The following SYAP1 variants were observed in gnomAD, a reference collection of about 807,000 sequenced individuals.
SYAP1 encodes synapse-associated protein 1.
In SYAP1, 3 loss-of-function variants were observed where a neutral mutation model predicts 29.6. The observed-to-expected ratio is 0.10, with a 90% CI of 0.05 to 0.26. The LOEUF is 0.26. Ranked by LOEUF, SYAP1 falls within the 10% of genes least tolerant of loss-of-function variation. The pLI is 1.00. For missense variants in SYAP1, 217 were observed against 264.1 expected (o/e 0.82, Z 1.24); for synonymous variants, 102 against 102.7 (o/e 0.99, Z 0.04).
At chrX:16,731,688 C>T (rs753709430) in intron 1 of SYAP1, among the ~76,000 whole-genome samples, 1 of 111,663 alleles carries the variant, frequency 9.0e-6, no homozygotes, top group Non-Finnish European at 1.9e-5. Flanking sequence ...ACCTGTAATC[C>T]CAGCACTTTG....
At chrX:16,756,796 A>G (rs1926852381) in intron 7 of SYAP1, 75 bp downstream of exon 7, 2 of 967,434 alleles carry the variant, frequency 2.1e-6, no homozygotes, top group Non-Finnish European at 1.5e-6. Flanking sequence ...TTCTGATACC[A>G]TTTAAAACTA....
At chrX:16,733,669 C>CTT (rs139404462) in intron 1 of SYAP1, among the ~76,000 whole-genome samples, 2 of 99,900 alleles carry the variant, frequency 2.0e-5, no homozygotes, top group Non-Finnish European at 2.0e-5. Context: ...CAAATTAGCC[C>CTT]TTTTTTTTTT....
intron 8 of SYAP1, among the ~76,000 whole-genome samples, chrX:16,757,808 G>C (rs922256230): frequency 5.5e-5 from 6 of 108,762 alleles, no homozygotes; most frequent in African/African-American, 2.0e-4. Flanking sequence ...GGAGGAAGCT[G>C]AGATGGGACA....
intron 5 of SYAP1, among the ~76,000 whole-genome samples, chrX:16,745,661 G>A (rs902553012): frequency 9.3e-6 from 1 of 107,856 alleles, no homozygotes; most frequent in African/African-American, 3.4e-5. Flanking sequence ...GCTTGAACCC[G>A]GCAGACAGAG....
chrX:16,723,313 A>AAT (rs1309569561), intron 1 of SYAP1, among the ~76,000 whole-genome samples: 1 of 112,373 alleles, frequency 8.9e-6, no homozygotes, highest in Admixed American at 9.5e-5. Flanking sequence ...ATGCACAGTC[A>AAT]ATAGCTTGGA....
Position 16,761,713 on chromosome X carries a change from G to A in SYAP1, c.*1354G>A, listed in dbSNP as rs978047305. ...TGAATGAATGAATGAATGAACGAACGAACAAGGTGGTTTAATGTCAGAAAA... is the reference window on the plus strand; with the variant it reads ...TGAATGAATGAATGAATGAACGAACAAACAAGGTGGTTTAATGTCAGAAAA... On this transcript the variant is annotated 3_prime_UTR_variant, in exon 9 of 9. Transcript: ENST00000380155. 1 of 111,818 alleles carries A rather than the reference G, an allele frequency of 8.9e-6. No homozygotes were observed. Among genetic ancestry groups the A allele is most frequent in the Non-Finnish European group, 1.9e-5 (1 of 53,212 alleles). The allele number at this position is 111,818 out of a possible 1,213,427, so 9.2% of individuals were successfully genotyped here. A position where few individuals can be genotyped will look rare whatever the true frequency, so the allele number is the denominator to read the frequency against.
At chrX:16,734,871 C>T (rs1185120749) in intron 1 of SYAP1, among the ~76,000 whole-genome samples, 1 of 108,117 alleles carries the variant, frequency 9.2e-6, no homozygotes, top group Non-Finnish European at 1.9e-5. Flanking sequence ...TGGTGGCAGG[C>T]GTCTGTAGTC....
At chrX:16,757,907 A>G (rs1030468190) in intron 8 of SYAP1, among the ~76,000 whole-genome samples, 2 of 109,314 alleles carry the variant, frequency 1.8e-5, no homozygotes, top group Non-Finnish European at 3.8e-5. Context: ...ACTTCATCTC[A>G]AAATAATAAT....
chrX:16,725,519 G>A (rs748782200), intron 1 of SYAP1, among the ~76,000 whole-genome samples: 19 of 111,940 alleles, frequency 1.7e-4, no homozygotes, highest in African/African-American at 5.8e-4. Flanking sequence ...TGTCTTCAAC[G>A]TGGTGTCAGC....
At chrX:16,743,650 A>G (rs1366473206) in intron 4 of SYAP1, 51 bp from the exon 5 acceptor site, 2 of 1,153,052 alleles carry the variant, frequency 1.7e-6, no homozygotes, top group Non-Finnish European at 2.3e-6. Flanking sequence ...ATTGTTATCT[A>G]TTAATCGCAT....
At chrX:16,734,385 C>CAAA (rs761468112) in intron 1 of SYAP1, among the ~76,000 whole-genome samples, 1 of 49,189 alleles carries the variant, frequency 2.0e-5, no homozygotes. Flanking sequence ...GACTTCATCT[C>CAAA]AAAAAAAAAA....
At position 16,733,479 on chromosome X, in the gene SYAP1, C is replaced by T. The variant is rs1022611356; in HGVS notation, c.176-1748C>T. Among the ~76,000 whole-genome samples the T allele has an allele frequency of 2.7e-5, 3 of 110,860 alleles. No individual in the cohort carries two copies. The Admixed American group carries it at 2.9e-4, about 11-fold the overall frequency. On this transcript the variant is annotated intron_variant, in intron 1 of 8. Transcript: ENST00000380155. ...ATGGGACCTTCTCCACCTGCCTGCCCCTTCAACAGGTGTAAGTAAGAGAGG... is the reference window on the plus strand; with the variant it reads ...ATGGGACCTTCTCCACCTGCCTGCCTCTTCAACAGGTGTAAGTAAGAGAGG...
At chrX:16,729,640 T>C (rs760039420) in intron 1 of SYAP1, among the ~76,000 whole-genome samples, 43 of 110,182 alleles carry the variant, frequency 3.9e-4, no homozygotes, top group Non-Finnish European at 4.0e-4. Flanking sequence ...CGTGCCACCA[T>C]GCCCAGCTAA....
At chrX:16,755,508 C>T (rs144643510) in intron 6 of SYAP1, among the ~76,000 whole-genome samples, 2 of 109,488 alleles carry the variant, frequency 1.8e-5, no homozygotes, top group Admixed American at 1.0e-4. Context: ...TCTTCCCCCC[C>T]TCTCATTTTT....
chrX:16,729,887 A>G (rs1926170839), intron 1 of SYAP1, among the ~76,000 whole-genome samples: 1 of 111,998 alleles, frequency 8.9e-6, no homozygotes, highest in Non-Finnish European at 1.9e-5. Context: ...TCAATCTTCC[A>G]CAACTTGCTT....
intron 1 of SYAP1, among the ~76,000 whole-genome samples, chrX:16,734,913 C>T (rs1385108869): frequency 3.9e-5 from 4 of 102,902 alleles, no homozygotes; most frequent in South Asian, 4.8e-4. Flanking sequence ...GCAGAAGAAT[C>T]GCTTGATCAT....
intron 3 of SYAP1, among the ~76,000 whole-genome samples, chrX:16,738,235 C>T (rs930673367): frequency 7.2e-5 from 8 of 111,093 alleles, no homozygotes; most frequent in Non-Finnish European, 1.3e-4. Context: ...GCCAACATGG[C>T]GAAACCCCAT....
In SYAP1 at chrX:16,736,179, A is replaced by C. The variant is rs151293634; in HGVS notation, c.308A>C (p.Asp103Ala). 8.5e-7 allele frequency: 1 copy of C among 1,172,980 alleles called. No homozygotes were observed. The highest frequency in any genetic ancestry group is 1.8e-5 in the African/African-American group (1 of 56,345). The change falls in exon 3 of 9, where the codon GAT becomes GCT. Residue 103 changes from aspartate to alanine, a missense_variant. Physicochemically the swap from Asp to Ala is moderately radical, Grantham distance 126 (BLOSUM62 -2). Transcript: ENST00000380155. The stretch of plus-strand genomic sequence containing the variant: ...TTTTTTTAACAGACAATTATAGGAG[A>C]TTTTCAGAAGGAACAGAAAAAATTT... ...DGIIDKTIIGDFQKEQKKFVE... is the reference protein window; with the variant it reads ...DGIIDKTIIGAFQKEQKKFVE...
intron 5 of SYAP1, 50 bp downstream of exon 5, chrX:16,743,890 A>C (rs768887543): frequency 4.6e-5 from 53 of 1,163,641 alleles, no homozygotes; most frequent in Non-Finnish European, 5.8e-5. Context: ...TTATGTGCTC[A>C]GTATCAGCAC....
Sources: gnomAD v4.1 joint callset for allele counts (sites outside exome capture counted in the v4.1 genomes callset) on GRCh38, gnomAD v4.1.1 for gene constraint, MANE v1.5 for transcripts, NCBI Gene and HGNC (gene_info 2026-07-23, HGNC 2026-07-21) for gene names.